DGKD: variants seen among roughly 807,000 people sequenced by gnomAD.
DGKD encodes the protein diacylglycerol kinase delta.
In DGKD, 68 loss-of-function variants were observed where a neutral mutation model predicts 154.4. That is an observed-to-expected ratio of 0.44 (90% CI 0.36 to 0.54). The LOEUF (loss-of-function observed/expected upper bound fraction) is 0.54. Among genes scored for constraint, DGKD ranks in the 20% least tolerant of loss-of-function variants. DGKD has a pLI of 0.00. For synonymous variants in DGKD, 693 were observed against 638.0 expected, an observed-to-expected ratio of 1.09 and a Z score of -1.30; for missense variants, 1,343 against 1,593.6, an observed-to-expected ratio of 0.84 and a Z score of 2.68.
Position 233,459,641 on chromosome 2 carries a change from G to A in DGKD, c.2695-116G>A. The stretch of plus-strand genomic sequence containing the variant: ...GCCATCCCAGAGGCAGAGGTGGGGT[G>A]TCCTGCAAGGCAGGGACGGGTGTGT... On this transcript the variant is annotated intron_variant, in intron 22 of 29. Coordinates refer to ENST00000264057, the MANE Select transcript of DGKD (RefSeq NM_152879.3). The surrounding 1 kb of genome is among the most constrained non-coding windows in gnomAD (Gnocchi z 5.7). 3 of 1,380,434 alleles carry A rather than the reference G, an allele frequency of 2.2e-6. No homozygotes were observed. Among genetic ancestry groups the A allele is most frequent in the South Asian group, 1.4e-5 (1 of 72,158 alleles). 85.5% of individuals were successfully genotyped at this position (1,380,434 alleles called of 1,614,324 possible). A position where few individuals can be genotyped will look rare whatever the true frequency, so the allele number is the denominator to read the frequency against.
chr2:233,469,754 T>C lies in DGKD; in HGVS notation c.*294T>C. 2.7e-6 allele frequency: 1 copy of C among 373,276 alleles called. No individual in the cohort carries two copies. Among genetic ancestry groups the C allele is most frequent in the Admixed American group, 4.1e-5 (1 of 24,246 alleles). 23.1% of individuals were successfully genotyped at this position (373,276 alleles called of 1,614,324 possible). On this transcript the variant is annotated 3_prime_UTR_variant, in exon 30 of 30. Coordinates refer to ENST00000264057, the MANE Select transcript of DGKD (RefSeq NM_152879.3). Reference sequence around the variant, plus strand: ...CGGCCACTCAGCTCTCGCCCGCCTGTGCTGTGGGCCAGGGAATCCAGCGGC... The same window carrying C: ...CGGCCACTCAGCTCTCGCCCGCCTGCGCTGTGGGCCAGGGAATCCAGCGGC...
chr2:233,457,331 A>C lies in DGKD; in HGVS notation c.2580+3A>C. ...GGGGGGGTACCAAGGAAGATGATGT[A>C]TGTATGGGGTGTGAGCGGGTGGGCC... On this transcript the variant is annotated splice_donor_region_variant and intron_variant, in intron 21 of 29. Transcript: ENST00000264057. The surrounding 1 kb of genome is among the most constrained non-coding windows in gnomAD (Gnocchi z 5.5). The C allele has an allele frequency of 6.4e-7, 1 of 1,555,194 alleles. No homozygotes were observed. Among genetic ancestry groups the C allele is most frequent in the Non-Finnish European group, 8.7e-7 (1 of 1,146,896 alleles).
At chr2:233,399,731 CTG>C (rs2061511399) in intron 3 of DGKD, among the ~76,000 whole-genome samples, 1 of 152,110 alleles carries the variant, frequency 6.6e-6, no homozygotes. Context: ...TTAGAAGAGT[CTG>C]TCTGCTGCTG....
At position 233,449,495 on chromosome 2, in the gene DGKD, C is replaced by A; in HGVS notation, c.1888+119C>A. ...TTGAGAAAACCTCCACTGCGGCCCT[C>A]TCCACCCATGTCCAGGCACCAGACC... On this transcript the variant is annotated intron_variant, in intron 15 of 29. Coordinates refer to ENST00000264057, the MANE Select transcript of DGKD (RefSeq NM_152879.3). This position sits in a 1 kb window ranked among gnomAD's most constrained non-coding sequence, Gnocchi z 5.3. 3 of 1,365,892 alleles carry A rather than the reference C, an allele frequency of 2.2e-6. No individual in the cohort carries two copies. The highest frequency in any genetic ancestry group is 2.9e-6 in the Non-Finnish European group (3 of 1,029,222). 84.6% of individuals were successfully genotyped at this position (1,365,892 alleles called of 1,614,324 possible). A position where few individuals can be genotyped will look rare whatever the true frequency, so the allele number is the denominator to read the frequency against.
At chr2:233,436,127 T>A (rs1462167013) in intron 6 of DGKD, among the ~76,000 whole-genome samples, 189 bp from the exon 7 acceptor site, 1 of 152,206 alleles carries the variant, frequency 6.6e-6, no homozygotes, top group East Asian at 1.9e-4. Context: ...GAGTCTTGTT[T>A]GCACCTCCGA....
chr2:233,451,901 C>A, intron 17 of DGKD, 63 bp from the exon 18 acceptor site: 5 of 1,369,594 alleles, frequency 3.7e-6, no homozygotes, highest in Non-Finnish European at 4.2e-6. Context: ...TTCAGAGACA[C>A]GAGCTTCTCC....
At position 233,457,796 on chromosome 2, in the gene DGKD, C is replaced by T. The variant is rs914804880; in HGVS notation, c.2580+468C>T. The stretch of plus-strand genomic sequence containing the variant: ...AGGGGCGTGGAGAGACAGGAGAGGG[C>T]TGCAGGGCCTGGGTCACACTGGGCT... On this transcript the variant is annotated intron_variant, in intron 21 of 29. Transcript: ENST00000264057. The surrounding 1 kb of genome is among the most constrained non-coding windows in gnomAD (Gnocchi z 5.5). 2.0e-5 allele frequency: 7 copies of T among 354,406 alleles called. No homozygotes were observed. Among genetic ancestry groups the T allele is most frequent in the African/African-American group, 1.5e-4 (7 of 46,870 alleles). The allele number at this position is 354,406 out of a possible 1,614,324, so 22.0% of individuals were successfully genotyped here. A position where few individuals can be genotyped will look rare whatever the true frequency, so the allele number is the denominator to read the frequency against.
In DGKD at chr2:233,458,534, T is replaced by G; in HGVS notation, c.2694+137T>G. ...TGCCTCATGTCCTGTCCTGGACAGC[T>G]CGTGGCCCCACTTCCTGGGCCAGAG... On this transcript the variant is annotated intron_variant, in intron 22 of 29. Transcript: ENST00000264057. This position sits in a 1 kb window ranked among gnomAD's most constrained non-coding sequence, Gnocchi z 6.6. 1.8e-6 allele frequency: 1 copy of G among 543,138 alleles called. No homozygotes were observed. The highest frequency in any genetic ancestry group is 2.9e-5 in the East Asian group (1 of 34,892). The allele number at this position is 543,138 out of a possible 1,614,324, so 33.6% of individuals were successfully genotyped here.
At position 233,469,720 on chromosome 2, in the gene DGKD, C is replaced by T. The variant is rs1021697807; in HGVS notation, c.*260C>T. ...CTCCAGCTCAGAGTCACCTGGGGCA[C>T]ATGTGTCACGGCCACTCAGCTCTCG... On this transcript the variant is annotated 3_prime_UTR_variant, in exon 30 of 30. Coordinates refer to ENST00000264057, the MANE Select transcript of DGKD (RefSeq NM_152879.3). 1 of 485,730 alleles carries T rather than the reference C, an allele frequency of 2.1e-6. No homozygotes were observed. Among genetic ancestry groups the T allele is most frequent in the Non-Finnish European group, 3.7e-6 (1 of 268,490 alleles). 30.1% of individuals were successfully genotyped at this position (485,730 alleles called of 1,614,324 possible). A position where few individuals can be genotyped will look rare whatever the true frequency, so the allele number is the denominator to read the frequency against.
Position 233,452,426 on chromosome 2 carries a change from G to C in DGKD, c.2264+366G>C, listed in dbSNP as rs964931936. 5.9e-5 allele frequency among the ~76,000 whole-genome samples: 9 copies of C among 152,136 alleles called. No individual in the cohort carries two copies. The highest frequency in any genetic ancestry group is 2.2e-4 in the African/African-American group (9 of 41,410). The stretch of plus-strand genomic sequence containing the variant: ...CCCATGATCTTGGCTGGACCTCACT[G>C]ACTTCTGCTTACAGCCTGCCATCTT... On this transcript the variant is annotated intron_variant, in intron 18 of 29. Coordinates refer to ENST00000264057, the MANE Select transcript of DGKD (RefSeq NM_152879.3). This position sits in a 1 kb window ranked among gnomAD's most constrained non-coding sequence, Gnocchi z 4.0.
intron 1 of DGKD, among the ~76,000 whole-genome samples, chr2:233,381,709 G>T (rs1410283699): frequency 1.3e-5 from 2 of 152,190 alleles, no homozygotes; most frequent in African/African-American, 4.8e-5. Context: ...GTGAATCATG[G>T]TGCTTGTAAA....
At chr2:233,395,366 C>T (rs375586120) in intron 3 of DGKD, among the ~76,000 whole-genome samples, 7 of 151,966 alleles carry the variant, frequency 4.6e-5, no homozygotes, top group African/African-American at 1.7e-4. Flanking sequence ...GAAGGAGTTT[C>T]ACCATGTCAC....
intron 3 of DGKD, chr2:233,419,323 C>G: frequency 1.0e-6 from 1 of 985,448 alleles, no homozygotes; most frequent in Non-Finnish European, 1.2e-6. Flanking sequence ...TAGGCTCTTG[C>G]CCATTGACTT....
chr2:233,462,836 T>C, intron 26 of DGKD, 101 bp downstream of exon 26: 1 of 1,067,520 alleles, frequency 9.4e-7, no homozygotes, highest in Non-Finnish European at 1.4e-6. Context: ...TAGTCCAGAG[T>C]TCCCGGTCTT....
intron 26 of DGKD, 113 bp downstream of exon 26, chr2:233,462,848 A>C (rs2063694112): frequency 1.4e-5 from 13 of 949,254 alleles, no homozygotes; most frequent in South Asian, 8.0e-5. Flanking sequence ...CCCGGTCTTA[A>C]GGAATGGGCC....
chr2:233,430,906 A>G (rs1379943058), intron 3 of DGKD, among the ~76,000 whole-genome samples: 1 of 152,208 alleles, frequency 6.6e-6, no homozygotes, highest in African/African-American at 2.4e-5. Flanking sequence ...TGATGACTAG[A>G]GTGATTAAGC....
chr2:233,408,044 G>GTTTTTT (rs1293793281), intron 3 of DGKD, among the ~76,000 whole-genome samples: 1 of 127,692 alleles, frequency 7.8e-6, no homozygotes, highest in Admixed American at 7.9e-5. Context: ...AGGAAAAACT[G>GTTTTTT]TTTTTTTTTT....
chr2:233,437,228 GGCCCAGGGCCCCTGATGGTAGCAGGCCA>G (rs2062727562), intron 7 of DGKD, 121 bp from the exon 8 acceptor site: 14 of 686,622 alleles, frequency 2.0e-5, no homozygotes, highest in South Asian at 1.6e-4. Flanking sequence ...ATAGCAGGCC[GGCCCAGGGCCCCTGATGGTAGCAGGCCA>G]GCCCAGCTCT....
In DGKD at chr2:233,434,627, G is replaced by T; in HGVS notation, c.454-142G>T. 3 of 1,451,770 alleles carry T rather than the reference G, an allele frequency of 2.1e-6. No individual in the cohort carries two copies. The South Asian group carries it at 3.6e-5, about 18-fold the overall frequency. 89.9% of individuals were successfully genotyped at this position (1,451,770 alleles called of 1,614,324 possible). A position where few individuals can be genotyped will look rare whatever the true frequency, so the allele number is the denominator to read the frequency against. ...GTTCTTTATACAATTAAAGCTTATT[G>T]CTTGTCCTCTCAGCAGACCTGTCCT... On this transcript the variant is annotated intron_variant, in intron 4 of 29. Coordinates refer to ENST00000264057, the MANE Select transcript of DGKD (RefSeq NM_152879.3).
Sources: gnomAD v4.1 joint callset for allele counts (sites outside exome capture counted in the v4.1 genomes callset) on GRCh38, gnomAD v4.1.1 for gene constraint, Gnocchi (gnomAD v3.1) non-coding constraint, MANE v1.5 for transcripts, NCBI Gene and HGNC (gene_info 2026-07-23, HGNC 2026-07-21) for gene names.